The following CDH12 variants were observed in gnomAD, a reference collection of about 807,000 sequenced individuals.
CDH12 encodes cadherin-12.
CDH12 carries 41 observed loss-of-function variants against 74.1 expected under a neutral mutation model. The observed-to-expected ratio is 0.55, with a 90% CI of 0.43 to 0.72. The LOEUF (loss-of-function observed/expected upper bound fraction) is 0.72, where lower values mean the gene tolerates loss of function less well. Ranked by LOEUF, CDH12 falls within the 30% of genes least tolerant of loss-of-function variation. The probability of loss-of-function intolerance (pLI) is 0.00; values close to 1 mark genes in which losing one functional copy is unlikely to be tolerated. For missense variants in CDH12, 945 were observed against 977.2 expected, an observed-to-expected ratio of 0.97 and a Z score of 0.44; for synonymous variants, 399 against 355.0, an observed-to-expected ratio of 1.12 and a Z score of -1.39.
rs368318883 is a variant in CDH12, at chr5:22,091,199, A to G, written c.-186-12337T>C. Among the ~76,000 whole-genome samples, 314 of 67,090 alleles carry G rather than the reference A, an allele frequency of 4.7e-3. 1 individual carries two copies. The highest frequency in any genetic ancestry group is 0.02 in the East Asian group (79 of 3,990). 44.0% of individuals were successfully genotyped at this position (67,090 alleles called of 152,430 possible). On this transcript the variant is annotated intron_variant, in intron 4 of 14. Transcript: ENST00000382254. ...TATCCTAAAGTGTGTGTGTGTGTGTATATATATATATATATATATATAGCT... is the reference window on the plus strand; with the variant it reads ...TATCCTAAAGTGTGTGTGTGTGTGTGTATATATATATATATATATATAGCT...
intron 4 of CDH12, among the ~76,000 whole-genome samples, chr5:22,207,530 C>A (rs1380937030): frequency 6.6e-6 from 1 of 152,148 alleles, no homozygotes; most frequent in Non-Finnish European, 1.5e-5. Flanking sequence ...CCCTGTAATA[C>A]CAAGTTAGAT....
At chr5:21,945,426 A>AC (rs1755530988) in intron 6 of CDH12, among the ~76,000 whole-genome samples, 1 of 121,166 alleles carries the variant, frequency 8.3e-6, no homozygotes, top group Non-Finnish European at 1.7e-5. Flanking sequence ...ACTGTTTCAG[A>AC]CAAAAAAAAA....
intron 4 of CDH12, among the ~76,000 whole-genome samples, chr5:22,131,571 C>A (rs1746183149): frequency 6.6e-6 from 1 of 152,112 alleles, no homozygotes; most frequent in Non-Finnish European, 1.5e-5. Flanking sequence ...TTCTAGGTCA[C>A]CTTGTTCCTT....
intron 1 of CDH12, among the ~76,000 whole-genome samples, chr5:22,823,038 G>C (rs1320218342): frequency 6.6e-6 from 1 of 152,076 alleles, no homozygotes; most frequent in Non-Finnish European, 1.5e-5. Context: ...ATACACAATG[G>C]AATACTATGC....
chr5:22,606,993 G>C (rs1737151026), intron 1 of CDH12, among the ~76,000 whole-genome samples: 1 of 152,164 alleles, frequency 6.6e-6, no homozygotes, highest in South Asian at 2.1e-4. Context: ...CTCTTGCTTT[G>C]CTTTAGCAAA....
intron 2 of CDH12, among the ~76,000 whole-genome samples, chr5:22,456,453 A>G (rs1454129902): frequency 6.6e-6 from 1 of 152,096 alleles, no homozygotes; most frequent in Non-Finnish European, 1.5e-5. Flanking sequence ...AGTATATTAA[A>G]CACATATTTA....
At chr5:22,774,278 T>C (rs888876405) in intron 1 of CDH12, among the ~76,000 whole-genome samples, 3 of 152,084 alleles carry the variant, frequency 2.0e-5, no homozygotes, top group African/African-American at 4.8e-5. Context: ...ATATAAACCA[T>C]GGAATACTAT....
chr5:22,011,711 G>A (rs1284202577), intron 5 of CDH12, among the ~76,000 whole-genome samples: 3 of 151,792 alleles, frequency 2.0e-5, no homozygotes, highest in African/African-American at 7.3e-5. Context: ...ATTTCATTCT[G>A]TTGGGTTATA....
chr5:22,404,284 G>A (rs1742849642), intron 3 of CDH12, among the ~76,000 whole-genome samples: 1 of 151,864 alleles, frequency 6.6e-6, no homozygotes, highest in Admixed American at 6.6e-5. Flanking sequence ...ATTTAGATTA[G>A]GATAAAGTTT....
intron 2 of CDH12, among the ~76,000 whole-genome samples, chr5:22,431,696 G>A (rs1430625081): frequency 1.3e-5 from 2 of 152,224 alleles, no homozygotes; most frequent in Non-Finnish European, 2.9e-5. Context: ...TGATGTTGAT[G>A]ATGCTGACCT....
At chr5:22,844,838 G>C (rs17360200) in intron 1 of CDH12, among the ~76,000 whole-genome samples, 8,174 of 152,168 alleles carry the variant, frequency 0.054, 333 homozygotes, top group South Asian at 0.18. Flanking sequence ...CTTCTGAAGA[G>C]AGCTACTGAA....
chr5:22,195,653 A>T (rs4235547), intron 4 of CDH12, among the ~76,000 whole-genome samples: 53,543 of 151,990 alleles, frequency 0.35, 9,573 homozygotes, highest in South Asian at 0.39. Flanking sequence ...GAAAATATAA[A>T]ATGTGTATTT....
At chr5:21,834,391 A>T (rs969839827) in intron 8 of CDH12, among the ~76,000 whole-genome samples, 2 of 151,880 alleles carry the variant, frequency 1.3e-5, no homozygotes, top group Admixed American at 6.6e-5. Flanking sequence ...AATAATCTAG[A>T]TTAAAAATAT....
intron 6 of CDH12, among the ~76,000 whole-genome samples, chr5:21,873,534 AAG>A (rs1280248152): frequency 6.6e-6 from 1 of 152,214 alleles, no homozygotes; most frequent in Non-Finnish European, 1.5e-5. Context: ...GAGAAAAATA[AAG>A]AGTCTCAACT....
Position 21,864,129 on chromosome 5 carries a change from ATGTGTGTG to A in CDH12, c.527-9347_527-9340del, listed in dbSNP as rs56781565. 4.3e-3 allele frequency among the ~76,000 whole-genome samples: 649 copies of A among 149,794 alleles called. 4 individuals carry two copies. The highest frequency in any genetic ancestry group is 0.015 in the African/African-American group (629 of 40,936). ...CAGAGAAATGTAAAACAGAAAGAAT[ATGTGTGTG>A]TGTGTGTGTGTGTGCATGTAAGATG... is the stretch of plus-strand genomic sequence containing the variant. On this transcript the variant is annotated intron_variant, in intron 6 of 14. Coordinates refer to ENST00000382254, the MANE Select transcript of CDH12 (RefSeq NM_004061.5).
intron 1 of CDH12, among the ~76,000 whole-genome samples, chr5:22,581,317 G>C (rs1013499581): frequency 6.6e-6 from 1 of 152,200 alleles, no homozygotes; most frequent in African/African-American, 2.4e-5. Context: ...TGGCTGAAAG[G>C]GGCCAATATA....
At chr5:22,622,794 G>C (rs964338454) in intron 1 of CDH12, among the ~76,000 whole-genome samples, 26 of 152,158 alleles carry the variant, frequency 1.7e-4, no homozygotes, top group Admixed American at 1.2e-3. Flanking sequence ...CAATAGAAAA[G>C]AGGGAATCCT....
intron 9 of CDH12, among the ~76,000 whole-genome samples, chr5:21,816,724 G>C (rs757325404): frequency 6.7e-6 from 1 of 149,866 alleles, no homozygotes; most frequent in Non-Finnish European, 1.5e-5. Flanking sequence ...AAAGCTTCTG[G>C]TCAAGAGTAA....
intron 1 of CDH12, among the ~76,000 whole-genome samples, chr5:22,511,213 G>A (rs1179366701): frequency 6.6e-6 from 1 of 151,924 alleles, no homozygotes; most frequent in Non-Finnish European, 1.5e-5. Context: ...TAATTTTTAT[G>A]AAATAGGAAA....
Sources: gnomAD v4.1 joint callset for allele counts (sites outside exome capture counted in the v4.1 genomes callset) on GRCh38, gnomAD v4.1.1 for gene constraint, MANE v1.5 for transcripts, NCBI Gene and HGNC (gene_info 2026-07-23, HGNC 2026-07-21) for gene names.